Variants in KPNA1 observed in about 807,000 individuals in gnomAD.
KPNA1 encodes karyopherin subunit alpha 1.
Under a neutral mutation model 70.5 loss-of-function variants are expected in KPNA1, and 10 were observed. The ratio of observed to expected loss-of-function variants is 0.14; its 90% confidence interval spans 0.09 to 0.24. The LOEUF (loss-of-function observed/expected upper bound fraction) is 0.24. Among genes scored for constraint, KPNA1 ranks in the 10% least tolerant of loss-of-function variants. KPNA1 has a pLI of 1.00. For synonymous variants in KPNA1, 192 were observed against 221.9 expected (o/e 0.87, Z 1.20); for missense variants, 397 against 637.9 (o/e 0.62, Z 4.07).
intron 2 of KPNA1, among the ~76,000 whole-genome samples, chr3:122,481,606 A>G (rs367975446): frequency 5.6e-4 from 85 of 152,320 alleles, no homozygotes; most frequent in African/African-American, 2.0e-3. Flanking sequence ...GGTTGTGGTG[A>G]AGTACTGGAA....
intron 8 of KPNA1, 119 bp from the exon 9 acceptor site, chr3:122,449,856 A>C: frequency 1.4e-6 from 1 of 708,946 alleles, no homozygotes. Context: ...TTACACTTCT[A>C]AAGATGAAGC....
chr3:122,424,008 A>G lies in KPNA1; in HGVS notation c.*2977T>C, dbSNP rs1025283369. The G allele has an allele frequency of 6.6e-6, 1 of 152,192 alleles. No individual in the cohort carries two copies. The highest frequency in any genetic ancestry group is 2.4e-5 in the African/African-American group (1 of 41,440). The allele number at this position is 152,192 out of a possible 1,614,324, so 9.4% of individuals were successfully genotyped here. A position where few individuals can be genotyped will look rare whatever the true frequency, so the allele number is the denominator to read the frequency against. ...GTGTCTCCTAAAATCTCTTTCTTCT[A>G]TCATCTACCTTACCCAAAATTTCTC... On this transcript the variant is annotated 3_prime_UTR_variant, in exon 14 of 14. Coordinates refer to ENST00000344337, the MANE Select transcript of KPNA1 (RefSeq NM_002264.4).
intron 2 of KPNA1, among the ~76,000 whole-genome samples, chr3:122,493,808 C>T (rs1403725462): frequency 6.6e-6 from 1 of 152,238 alleles, no homozygotes; most frequent in Non-Finnish European, 1.5e-5. Flanking sequence ...TGGTCTCGAA[C>T]TCCTGATCTC....
chr3:122,505,189 G>C (rs1312019880), intron 1 of KPNA1, among the ~76,000 whole-genome samples: 1 of 150,576 alleles, frequency 6.6e-6, no homozygotes, highest in East Asian at 2.0e-4. Context: ...TGTGAGTCCA[G>C]GTACTTGGGA....
At chr3:122,438,621 T>A (rs1285609484) in intron 10 of KPNA1, among the ~76,000 whole-genome samples, 1 of 151,810 alleles carries the variant, frequency 6.6e-6, no homozygotes, top group Non-Finnish European at 1.5e-5. Flanking sequence ...CCCGACCTCA[T>A]GTGATCCACC....
chr3:122,513,551 AT>A (rs1196681501), intron 1 of KPNA1, among the ~76,000 whole-genome samples: 7 of 152,164 alleles, frequency 4.6e-5, no homozygotes. Context: ...TGCTGGTGGC[AT>A]CCGCCTGTAG....
chr3:122,435,570 C>T (rs572513303), intron 11 of KPNA1, among the ~76,000 whole-genome samples: 232 of 152,276 alleles, frequency 1.5e-3, no homozygotes, highest in African/African-American at 5.3e-3. Flanking sequence ...TTATTTGTTG[C>T]AAGAAGTCAG....
intron 5 of KPNA1, among the ~76,000 whole-genome samples, chr3:122,455,459 T>A (rs1188341731): frequency 6.6e-6 from 1 of 152,216 alleles, no homozygotes; most frequent in Non-Finnish European, 1.5e-5. Flanking sequence ...ATTCTTCCCA[T>A]ATTTATCTCT....
chr3:122,433,522 G>T, intron 12 of KPNA1, 139 bp downstream of exon 12: 1 of 597,806 alleles, frequency 1.7e-6, no homozygotes, highest in Non-Finnish European at 2.8e-6. Context: ...ATTCTTATTT[G>T]GTAAGATCGT....
At chr3:122,493,563 G>A (rs1187288960) in intron 2 of KPNA1, among the ~76,000 whole-genome samples, 1 of 152,160 alleles carries the variant, frequency 6.6e-6, no homozygotes, top group Non-Finnish European at 1.5e-5. Context: ...GAAAGCTGTG[G>A]TGAGGCAGCA....
At position 122,424,580 on chromosome 3, in the gene KPNA1, T is replaced by C. The variant is rs529324112; in HGVS notation, c.*2405A>G. The stretch of plus-strand genomic sequence containing the variant: ...CACAAAATAGATCACGTCAGTTAAA[T>C]AGACTTTGTTTTAATTCACTCACTG... On this transcript the variant is annotated 3_prime_UTR_variant, in exon 14 of 14. Transcript: ENST00000344337. 5.2e-5 allele frequency: 8 copies of C among 152,794 alleles called. No homozygotes were observed. The South Asian group carries it at 1.2e-3, about 24-fold the overall frequency. The allele number at this position is 152,794 out of a possible 1,614,324, so 9.5% of individuals were successfully genotyped here. A position where few individuals can be genotyped will look rare whatever the true frequency, so the allele number is the denominator to read the frequency against.
At chr3:122,499,826 A>T (rs1321270815) in intron 1 of KPNA1, among the ~76,000 whole-genome samples, 1 of 152,074 alleles carries the variant, frequency 6.6e-6, no homozygotes, top group East Asian at 1.9e-4. Context: ...CTTTGGTATC[A>T]GAGTGATACC....
chr3:122,511,119 A>C (rs373684568), intron 1 of KPNA1, among the ~76,000 whole-genome samples: 31 of 152,306 alleles, frequency 2.0e-4, no homozygotes, highest in African/African-American at 7.5e-4. Flanking sequence ...AGAACAAGTA[A>C]GTGAAAGCAC....
chr3:122,497,036 A>C (rs919448772), intron 1 of KPNA1, among the ~76,000 whole-genome samples: 1 of 152,178 alleles, frequency 6.6e-6, no homozygotes, highest in Non-Finnish European at 1.5e-5. Flanking sequence ...AAAATGTGCT[A>C]TTCAACAGTT....
intron 1 of KPNA1, among the ~76,000 whole-genome samples, chr3:122,510,783 T>C (rs2076946726): frequency 6.6e-6 from 1 of 152,038 alleles, no homozygotes; most frequent in Non-Finnish European, 1.5e-5. Context: ...AAGAAAATGG[T>C]AGCTTTTCAA....
chr3:122,510,928 G>T (rs2076948252), intron 1 of KPNA1, among the ~76,000 whole-genome samples: 1 of 152,050 alleles, frequency 6.6e-6, no homozygotes, highest in South Asian at 2.1e-4. Context: ...TTATTTCATG[G>T]TGTTAAACTA....
At chr3:122,466,306 A>T (rs1320204632) in intron 3 of KPNA1, among the ~76,000 whole-genome samples, 1 of 152,170 alleles carries the variant, frequency 6.6e-6, no homozygotes, top group Non-Finnish European at 1.5e-5. Context: ...AGAAAGAATA[A>T]ATAGGAATTT....
rs184998773 is a variant in KPNA1, at chr3:122,482,066, A to G, written c.129+14371T>C. On this transcript the variant is annotated intron_variant, in intron 2 of 13. Transcript: ENST00000344337. Reference sequence around the variant, plus strand: ...AAAATACACACATGCATCACTTAACAAGAGTCTGAGAAATACATCACACGA... The same window carrying G: ...AAAATACACACATGCATCACTTAACGAGAGTCTGAGAAATACATCACACGA... Among the ~76,000 whole-genome samples the G allele has an allele frequency of 3.7e-3, 540 of 146,890 alleles. 1 individual carries two copies. The highest frequency in any genetic ancestry group is 6.6e-3 in the Admixed American group (100 of 15,172).
intron 1 of KPNA1, among the ~76,000 whole-genome samples, chr3:122,511,876 C>T (rs1480726865): frequency 6.6e-6 from 1 of 152,188 alleles, no homozygotes; most frequent in East Asian, 1.9e-4. Context: ...CTTAAAAGCA[C>T]AGACATCATA....
Sources: gnomAD v4.1 joint callset for allele counts (sites outside exome capture counted in the v4.1 genomes callset) on GRCh38, gnomAD v4.1.1 for gene constraint, MANE v1.5 for transcripts, NCBI Gene and HGNC (gene_info 2026-07-23, HGNC 2026-07-21) for gene names.